The following FGF12 variants were observed in gnomAD, a reference collection of about 807,000 sequenced individuals.
FGF12 encodes fibroblast growth factor 12.
In FGF12, 14 loss-of-function variants were observed where a neutral mutation model predicts 23.6. That is an observed-to-expected ratio of 0.59 (90% CI 0.39 to 0.93). FGF12 has a LOEUF of 0.93. Ranked by LOEUF, FGF12 falls within the 40% of genes least tolerant of loss-of-function variation. The pLI is 0.00. For synonymous variants in FGF12, 62 were observed against 77.3 expected (o/e 0.80, Z 1.04); for missense variants, 175 against 217.8 (o/e 0.80, Z 1.24).
chr3:192,416,067 A>G (rs1457730691), intron 2 of FGF12, among the ~76,000 whole-genome samples: 1 of 152,054 alleles, frequency 6.6e-6, no homozygotes, highest in Non-Finnish European at 1.5e-5. Context: ...AAAATATACT[A>G]TTAAAACCAC....
intron 2 of FGF12, among the ~76,000 whole-genome samples, chr3:192,608,055 C>T (rs950366265): frequency 6.6e-6 from 1 of 152,038 alleles, no homozygotes; most frequent in Non-Finnish European, 1.5e-5. Flanking sequence ...GAAAGACAAA[C>T]TTCGCATGCT....
intron 2 of FGF12, among the ~76,000 whole-genome samples, chr3:192,467,370 G>A (rs1283058562): frequency 6.6e-6 from 1 of 152,224 alleles, no homozygotes; most frequent in Admixed American, 6.5e-5. Flanking sequence ...AGAGGTCTAT[G>A]ATTCTGTAAA....
intron 2 of FGF12, among the ~76,000 whole-genome samples, chr3:192,366,725 T>C (rs1719002695): frequency 6.6e-6 from 1 of 152,068 alleles, no homozygotes; most frequent in Non-Finnish European, 1.5e-5. Flanking sequence ...GACTGTCATA[T>C]GAAGAATGGC....
intron 4 of FGF12, among the ~76,000 whole-genome samples, chr3:192,268,934 A>G (rs183607683): frequency 5.0e-4 from 76 of 152,086 alleles, no homozygotes; most frequent in Non-Finnish European, 8.7e-4. Flanking sequence ...TTTTTTTGAG[A>G]TGGAGTCTCT....
chr3:192,343,592 C>T (rs1209092994), intron 3 of FGF12, among the ~76,000 whole-genome samples: 1 of 152,036 alleles, frequency 6.6e-6, no homozygotes, highest in Non-Finnish European at 1.5e-5. Context: ...CAGGAAAATG[C>T]TATTATTGAA....
At chr3:192,298,812 C>T (rs1270143854) in intron 4 of FGF12, among the ~76,000 whole-genome samples, 3 of 152,160 alleles carry the variant, frequency 2.0e-5, no homozygotes, top group Admixed American at 6.5e-5. Context: ...GCACCAGCCT[C>T]TGCTTCTGGT....
At chr3:192,435,628 A>G (rs1722000926) in intron 2 of FGF12, among the ~76,000 whole-genome samples, 1 of 152,052 alleles carries the variant, frequency 6.6e-6, no homozygotes, top group South Asian at 2.1e-4. Flanking sequence ...TCTCCTCTGT[A>G]CCTAGTAACT....
At chr3:192,303,819 C>G (rs1024086303) in intron 4 of FGF12, among the ~76,000 whole-genome samples, 1 of 152,166 alleles carries the variant, frequency 6.6e-6, no homozygotes, top group African/African-American at 2.4e-5. Context: ...TATCTCACAG[C>G]AGTGTTGTGC....
chr3:192,320,455 G>A (rs992330344), intron 4 of FGF12, among the ~76,000 whole-genome samples: 1 of 152,120 alleles, frequency 6.6e-6, no homozygotes, highest in Admixed American at 6.5e-5. Flanking sequence ...CTGCACTATA[G>A]ATCAAATAGG....
chr3:192,581,474 ATG>A (rs889932633), intron 2 of FGF12, among the ~76,000 whole-genome samples: 2 of 121,574 alleles, frequency 1.6e-5, no homozygotes, highest in Admixed American at 8.0e-5. Context: ...ATGTATATAT[ATG>A]TGTGTGTGTG....
intron 4 of FGF12, among the ~76,000 whole-genome samples, chr3:192,287,326 C>T (rs944875770): frequency 1.3e-5 from 2 of 152,038 alleles, no homozygotes; most frequent in Admixed American, 1.3e-4. Context: ...TATTGTCTCT[C>T]CAAGTAAATC....
intron 2 of FGF12, among the ~76,000 whole-genome samples, chr3:192,398,724 G>C (rs1422140937): frequency 6.6e-6 from 1 of 152,078 alleles, no homozygotes; most frequent in Non-Finnish European, 1.5e-5. Context: ...AGAAACTGAG[G>C]TCCATTTCCA....
chr3:192,164,253 T>G (rs1715035204), intron 5 of FGF12, among the ~76,000 whole-genome samples: 1 of 152,210 alleles, frequency 6.6e-6, no homozygotes, highest in Non-Finnish European at 1.5e-5. Context: ...AACAATACTC[T>G]GAAAGGGCAG....
intron 2 of FGF12, among the ~76,000 whole-genome samples, chr3:192,686,987 A>C (rs1216834625): frequency 1.3e-5 from 2 of 150,062 alleles, no homozygotes; most frequent in African/African-American, 4.9e-5. Flanking sequence ...CGCCACCACA[A>C]CTGGATAATT....
At chr3:192,519,888 G>T (rs961600457) in intron 2 of FGF12, among the ~76,000 whole-genome samples, 2 of 152,206 alleles carry the variant, frequency 1.3e-5, no homozygotes, top group Non-Finnish European at 2.9e-5. Context: ...GCCATTGGGA[G>T]ATCCTTCTGA....
At position 192,589,253 on chromosome 3, in the gene FGF12, T is replaced by G. The variant is rs551876485; in HGVS notation, c.13+137928A>C. The stretch of plus-strand genomic sequence containing the variant: ...GGGAGGCTGAGGCAGGAGAATCACT[T>G]GAACCCAGGAGGCGAAGTTTGCAGG... On this transcript the variant is annotated intron_variant, in intron 2 of 5. Coordinates refer to ENST00000445105, the MANE Select transcript of FGF12 (RefSeq NM_004113.6). Among the ~76,000 whole-genome samples the G allele has an allele frequency of 4.6e-4, 69 of 150,868 alleles. No individual in the cohort carries two copies. In the East Asian group the frequency reaches 7.8e-3, roughly 17 times the overall value.
intron 4 of FGF12, among the ~76,000 whole-genome samples, chr3:192,177,608 CT>C (rs1342868771): frequency 6.6e-6 from 1 of 152,208 alleles, no homozygotes; most frequent in Non-Finnish European, 1.5e-5. Context: ...CCTTACTGCT[CT>C]GGCTGAGATA....
intron 2 of FGF12, among the ~76,000 whole-genome samples, chr3:192,636,500 A>C (rs1401322186): frequency 6.6e-6 from 1 of 152,204 alleles, no homozygotes; most frequent in African/African-American, 2.4e-5. Context: ...TTCTTAACAA[A>C]TAGTTTCATA....
intron 2 of FGF12, among the ~76,000 whole-genome samples, chr3:192,587,001 TAC>T (rs888980565): frequency 5.1e-4 from 78 of 152,332 alleles, no homozygotes; most frequent in African/African-American, 1.9e-3. Flanking sequence ...TGATAATTCT[TAC>T]ACTTTTTTGG....
Sources: allele counts gnomAD v4.1 joint callset (sites outside exome capture counted in the v4.1 genomes callset), GRCh38; gene constraint gnomAD v4.1.1; transcripts MANE v1.5; gene names NCBI Gene and HGNC (gene_info 2026-07-23, HGNC 2026-07-21).